Variants in NACC2 observed in about 807,000 individuals in gnomAD.
NACC2 encodes the protein NACC family member 2.
In NACC2, 8 loss-of-function variants were observed where a neutral mutation model predicts 25.1. That is an observed-to-expected ratio of 0.32 (90% CI 0.19 to 0.57). The LOEUF (loss-of-function observed/expected upper bound fraction) is 0.57, where lower values mean the gene tolerates loss of function less well. NACC2 is among the 20% of genes least tolerant of loss of function. NACC2 has a pLI of 0.89. For synonymous variants in NACC2, 435 were observed against 294.7 expected (o/e 1.48, Z -4.88); for missense variants, 644 against 650.2 (o/e 0.99, Z 0.10).
intron 2 of NACC2, among the ~76,000 whole-genome samples, chr9:136,036,205 G>A (rs1840549945): frequency 6.6e-6 from 1 of 152,186 alleles, no homozygotes; most frequent in Admixed American, 6.5e-5. Flanking sequence ...TCACAAAGGA[G>A]GATGTCCAAG....
intron 1 of NACC2, among the ~76,000 whole-genome samples, chr9:136,054,181 C>T (rs918247889): frequency 5.3e-5 from 8 of 152,328 alleles, no homozygotes; most frequent in Non-Finnish European, 1.0e-4. Flanking sequence ...CTCAGCTGGG[C>T]ATCCAGGTGG....
chr9:136,067,322 G>A (rs557268365), intron 1 of NACC2, among the ~76,000 whole-genome samples: 3 of 152,202 alleles, frequency 2.0e-5, no homozygotes, highest in Non-Finnish European at 4.4e-5. Context: ...GTGGGGGTGG[G>A]GGAGGGATGG....
chr9:136,038,878 G>A (rs1840591810), intron 2 of NACC2, among the ~76,000 whole-genome samples: 1 of 152,200 alleles, frequency 6.6e-6, no homozygotes, highest in Admixed American at 6.5e-5. Context: ...TAGCTAGTAA[G>A]CAATCGTGGA....
Position 136,018,584 on chromosome 9 carries a change from G to A in NACC2, c.887-2155C>T, listed in dbSNP as rs142283292. 3.0e-4 allele frequency among the ~76,000 whole-genome samples: 46 copies of A among 152,114 alleles called. No homozygotes were observed. The highest frequency in any genetic ancestry group is 1.1e-3 in the African/African-American group (45 of 41,486). Reference sequence around the variant, plus strand: ...CACTGCACCTGTCAGTCCCAGGAAGGGGAGCTTCCCAAGGCCCAGGGACAC... The same window carrying A: ...CACTGCACCTGTCAGTCCCAGGAAGAGGAGCTTCCCAAGGCCCAGGGACAC... On this transcript the variant is annotated intron_variant, in intron 2 of 5. Transcript: ENST00000277554. This position sits in a 1 kb window ranked among gnomAD's most constrained non-coding sequence, Gnocchi z 4.4.
Position 136,033,575 on chromosome 9 carries a change from G to A in NACC2, c.886+16061C>T, listed in dbSNP as rs980065861. ...TGAGGCAGGAGAATCGCTTGAATTC[G>A]GGAGTTGGAGGTTGGAGTGAGCTGA... On this transcript the variant is annotated intron_variant, in intron 2 of 5. Coordinates refer to ENST00000277554, the MANE Select transcript of NACC2 (RefSeq NM_144653.5). Among the ~76,000 whole-genome samples, 7 of 150,706 alleles carry A rather than the reference G, an allele frequency of 4.6e-5. No individual in the cohort carries two copies. In the East Asian group the frequency reaches 1.2e-3, roughly 25 times the overall value.
intron 1 of NACC2, among the ~76,000 whole-genome samples, chr9:136,058,980 C>T (rs948179678): frequency 4.0e-5 from 6 of 148,442 alleles, no homozygotes; most frequent in African/African-American, 1.5e-4. Context: ...TGACTCTGGC[C>T]CCTGGGCCCC....
intron 2 of NACC2, among the ~76,000 whole-genome samples, chr9:136,046,987 C>A (rs984057360): frequency 6.6e-6 from 1 of 152,190 alleles, no homozygotes; most frequent in African/African-American, 2.4e-5. Context: ...TACCACACAC[C>A]AAGGTGCAGC....
intron 1 of NACC2, among the ~76,000 whole-genome samples, chr9:136,067,483 T>C (rs1841099228): frequency 6.6e-6 from 1 of 152,190 alleles, no homozygotes; most frequent in South Asian, 2.1e-4. Flanking sequence ...GGTGATTTTG[T>C]TGTTCTCTGA....
At chr9:136,079,007 G>A (rs1830293346) in intron 1 of NACC2, among the ~76,000 whole-genome samples, 1 of 151,972 alleles carries the variant, frequency 6.6e-6, no homozygotes, top group Admixed American at 6.5e-5. Context: ...AACGGTTCCC[G>A]AGGGAGCACT....
At position 136,050,492 on chromosome 9, in the gene NACC2, G is replaced by C. The variant is rs2131162667; in HGVS notation, c.30C>G (p.Pro10=). 1 of 764,492 alleles carries C rather than the reference G, an allele frequency of 1.3e-6. No homozygotes were observed. The highest frequency in any genetic ancestry group is 1.3e-5 in the South Asian group (1 of 74,432). The allele number at this position is 764,492 out of a possible 1,614,324, so 47.4% of individuals were successfully genotyped here. ...AGCCCAGCACTGTGTTCCCGAAGTTGGGGATCTCGATGTGCAGCATCTGAG... is the reference window on the plus strand; with the variant it reads ...AGCCCAGCACTGTGTTCCCGAAGTTCGGGATCTCGATGTGCAGCATCTGAG... The part of the protein sequence containing the change: MSQMLHIEI[P]NFGNTVLGCL... Residue 10 remains proline (P), a synonymous_variant, in exon 2 of 6, where the codon CCC becomes CCG. Coordinates refer to ENST00000277554, the MANE Select transcript of NACC2 (RefSeq NM_144653.5).
At chr9:136,071,984 T>C (rs1024677066) in intron 1 of NACC2, among the ~76,000 whole-genome samples, 1 of 152,116 alleles carries the variant, frequency 6.6e-6, no homozygotes, top group Non-Finnish European at 1.5e-5. Context: ...GAGTCCGTAA[T>C]CCCAGCACTT....
chr9:136,076,634 T>A (rs1830265392), intron 1 of NACC2, among the ~76,000 whole-genome samples: 1 of 152,204 alleles, frequency 6.6e-6, no homozygotes, highest in South Asian at 2.1e-4. Context: ...GCCATGGGAA[T>A]GTTCTTACTG....
intron 2 of NACC2, among the ~76,000 whole-genome samples, chr9:136,025,222 G>T (rs527838586): frequency 6.6e-6 from 1 of 152,270 alleles, no homozygotes; most frequent in East Asian, 1.9e-4. Context: ...GTGGGCACGG[G>T]CGCTGCTGGA....
intron 2 of NACC2, among the ~76,000 whole-genome samples, chr9:136,021,918 A>T (rs1026371383): frequency 3.9e-5 from 6 of 152,198 alleles, no homozygotes; most frequent in Admixed American, 6.5e-5. Context: ...AATCATTTCC[A>T]TTGTGGCCAC....
In NACC2 at chr9:136,046,213, G is replaced by A. The variant is rs942905044; in HGVS notation, c.886+3423C>T. The stretch of plus-strand genomic sequence containing the variant: ...GAAGGGATGGGGGTGCAGGGGAGGC[G>A]GAGGCAGGCATTTCGCAATCTCTAG... On this transcript the variant is annotated intron_variant, in intron 2 of 5. Coordinates refer to ENST00000277554, the MANE Select transcript of NACC2 (RefSeq NM_144653.5). Among the ~76,000 whole-genome samples the A allele has an allele frequency of 5.1e-3, 776 of 152,298 alleles. 27 individuals carry two copies. Among genetic ancestry groups the A allele is most frequent in the Non-Finnish European group, 2.0e-3 (136 of 68,018 alleles).
At chr9:136,080,528 C>T (rs934691651) in intron 1 of NACC2, among the ~76,000 whole-genome samples, 1 of 152,120 alleles carries the variant, frequency 6.6e-6, no homozygotes, top group Admixed American at 6.5e-5. Context: ...GAGATCGTGC[C>T]ACTGCACTCC....
intron 2 of NACC2, among the ~76,000 whole-genome samples, chr9:136,023,083 G>A (rs1588560000): frequency 1.9e-5 from 1 of 52,180 alleles, no homozygotes; most frequent in Non-Finnish European, 3.8e-5. Flanking sequence ...AGGGAGGAGG[G>A]AGGGAAGGAG....
intron 3 of NACC2, 62 bp downstream of exon 3, chr9:136,016,203 A>C (rs950788282): frequency 4.7e-6 from 7 of 1,484,882 alleles, no homozygotes; most frequent in Non-Finnish European, 6.5e-6. Context: ...GCTCTCCAAT[A>C]AATAAATAAA....
In NACC2 at chr9:136,046,416, G is replaced by A. The variant is rs1375044428; in HGVS notation, c.886+3220C>T. On this transcript the variant is annotated intron_variant, in intron 2 of 5. Coordinates refer to ENST00000277554, the MANE Select transcript of NACC2 (RefSeq NM_144653.5). ...AGCTCATCTTGCTCCGGGGTCTCCC[G>A]AGGCTGCCGGCCACAGGGCCAGGAG... Among the ~76,000 whole-genome samples, 18 of 152,334 alleles carry A rather than the reference G, an allele frequency of 1.2e-4. No individual in the cohort carries two copies. The East Asian group carries it at 2.9e-3, about 25-fold the overall frequency.
Sources: gnomAD v4.1 joint callset for allele counts (sites outside exome capture counted in the v4.1 genomes callset) on GRCh38, gnomAD v4.1.1 for gene constraint, Gnocchi (gnomAD v3.1) non-coding constraint, MANE v1.5 for transcripts, NCBI Gene and HGNC (gene_info 2026-07-23, HGNC 2026-07-21) for gene names.